C1QL1: variants seen among roughly 807,000 people sequenced by gnomAD.
The protein encoded by C1QL1 is complement C1q like 1.
A neutral mutation model predicts 14.2 loss-of-function variants in C1QL1; 15 were observed. The ratio of observed to expected loss-of-function variants is 1.06; its 90% CI spans 0.71 to 1.62. The LOEUF (loss-of-function observed/expected upper bound fraction) is 1.62, where lower values mean the gene tolerates loss of function less well. C1QL1 is among the 40% of genes most tolerant of loss of function. The pLI is 0.00. For synonymous variants in C1QL1, 172 were observed against 172.4 expected (o/e 1.00, Z 0.02); for missense variants, 346 against 380.3 (o/e 0.91, Z 0.75).
At position 44,967,905 on chromosome 17, in the gene C1QL1, G is replaced by A; in HGVS notation, c.144C>T (p.Gly48=). Reference sequence around the variant, plus strand: ...CGCTCTGCTCGCTCAGGGCGTCGCCGCCGTCGGTCCGCGCGCCGGCGCCGG... The same window carrying A: ...CGCTCTGCTCGCTCAGGGCGTCGCCACCGTCGGTCCGCGCGCCGGCGCCGG... The part of the protein sequence containing the change: ...RGPGAGARTD[G]GDALSEQSGA... The change falls in exon 1 of 2, where the codon GGC becomes GGT. Residue 48 remains glycine, a synonymous_variant. Coordinates refer to ENST00000253407, the MANE Select transcript of C1QL1 (RefSeq NM_006688.5). The surrounding 1 kb of genome is among the most constrained non-coding windows in gnomAD (Gnocchi z 7.0). 6 of 1,247,032 alleles carry A rather than the reference G, an allele frequency of 4.8e-6. No homozygotes were observed. Among genetic ancestry groups the A allele is most frequent in the Non-Finnish European group, 6.0e-6 (6 of 1,000,724 alleles). The allele number at this position is 1,247,032 out of a possible 1,614,324, so 77.2% of individuals were successfully genotyped here.
chr17:44,963,102 A>G (rs867811005), intron 1 of C1QL1, among the ~76,000 whole-genome samples: 14 of 152,116 alleles, frequency 9.2e-5, no homozygotes, highest in South Asian at 2.1e-4. Flanking sequence ...GGGCCTTGTT[A>G]TGAGGGAGCG....
intron 1 of C1QL1, among the ~76,000 whole-genome samples, chr17:44,961,217 G>A (rs1415750529): frequency 6.6e-6 from 1 of 152,194 alleles, no homozygotes; most frequent in Non-Finnish European, 1.5e-5. Context: ...GGAGGGACAG[G>A]CAGGATAATG....
chr17:44,963,063 G>A (rs1472510711), intron 1 of C1QL1, among the ~76,000 whole-genome samples: 2 of 152,180 alleles, frequency 1.3e-5, no homozygotes, highest in Admixed American at 6.5e-5. Context: ...GGGGAAATGA[G>A]GTTGCCAAGG....
rs2052617283 is a variant in C1QL1, at chr17:44,959,878, C to T, written c.*310G>A. 3 of 276,060 alleles carry T rather than the reference C, an allele frequency of 1.1e-5. No individual in the cohort carries two copies. The highest frequency in any genetic ancestry group is 2.0e-5 in the Non-Finnish European group (3 of 148,220). The allele number at this position is 276,060 out of a possible 1,614,324, so 17.1% of individuals were successfully genotyped here. On this transcript the variant is annotated 3_prime_UTR_variant, in exon 2 of 2. Coordinates refer to ENST00000253407, the MANE Select transcript of C1QL1 (RefSeq NM_006688.5). ...CAAACCCGCCGCCGCGACCTCTCCC[C>T]AGGCTGGGGTGGGCTGGCAGGCGGA...
Position 44,960,306 on chromosome 17 carries a change from A to G in C1QL1, c.659T>C (p.Val220Ala), listed in dbSNP as rs1044951497. ...GTCGCCGGCGTCCAGGTGCAGGATCACGCTGTTGCTGGCGTAGTCGTAGTT... is the reference window on the plus strand; with the variant it reads ...GTCGCCGGCGTCCAGGTGCAGGATCGCGCTGTTGCTGGCGTAGTCGTAGTT... The part of the protein sequence containing the change: ...DQNYDYASNS[V>A]ILHLDAGDEV... The change falls in exon 2 of 2, where the codon GTG becomes GCG. Residue 220 changes from valine (V) to alanine (A), a missense_variant. Coordinates refer to ENST00000253407, the MANE Select transcript of C1QL1 (RefSeq NM_006688.5). The G allele has an allele frequency of 1.2e-6, 2 of 1,614,170 alleles. No homozygotes were observed. Among genetic ancestry groups the G allele is most frequent in the East Asian group, 2.2e-5 (1 of 44,864 alleles).
Position 44,967,091 on chromosome 17 carries a change from C to T in C1QL1, c.597+361G>A, listed in dbSNP as rs1340452661. On this transcript the variant is annotated intron_variant, in intron 1 of 1. Coordinates refer to ENST00000253407, the MANE Select transcript of C1QL1 (RefSeq NM_006688.5). The surrounding 1 kb of genome is among the most constrained non-coding windows in gnomAD (Gnocchi z 7.0). ...TACGCCAGAGCCCATCCTTGCCCTC[C>T]CCTTATCGCCCACTGCTGTCGGCCC... Among the ~76,000 whole-genome samples, 1 of 152,250 alleles carries T rather than the reference C, an allele frequency of 6.6e-6. No homozygotes were observed. Among genetic ancestry groups the T allele is most frequent in the African/African-American group, 2.4e-5 (1 of 41,472 alleles).
At chr17:44,960,503 C>A in intron 1 of C1QL1, 136 bp from the exon 2 acceptor site, 1 of 637,028 alleles carries the variant, frequency 1.6e-6, no homozygotes, top group South Asian at 1.8e-5. Flanking sequence ...CTGCCACGCT[C>A]CCCCTCCCCC....
Position 44,967,793 on chromosome 17 carries a change from C to T in C1QL1, c.256G>A (p.Asp86Asn), listed in dbSNP as rs369822650. ...CCCACAGGGCCGGGAGGACCTGGGT[C>T]CCCGGGAGGCCCCGGAGGGCCGGGC... The part of the protein sequence containing the change: ...GKPGPPGPPG[D>N]PGPPGPVGPP... Residue 86 changes from aspartate to asparagine, a missense_variant, in exon 1 of 2, where the codon GAC becomes AAC. Transcript: ENST00000253407. This position sits in a 1 kb window ranked among gnomAD's most constrained non-coding sequence, Gnocchi z 7.0. 1 of 1,456,578 alleles carries T rather than the reference C, an allele frequency of 6.9e-7. No homozygotes were observed. Among genetic ancestry groups the T allele is most frequent in the Non-Finnish European group, 8.9e-7 (1 of 1,118,800 alleles). 90.2% of individuals were successfully genotyped at this position (1,456,578 alleles called of 1,614,324 possible).
chr17:44,962,756 T>A (rs2052635088), intron 1 of C1QL1, among the ~76,000 whole-genome samples: 1 of 152,228 alleles, frequency 6.6e-6, no homozygotes, highest in Non-Finnish European at 1.5e-5. Flanking sequence ...AATTTAGCCT[T>A]AACTCATTAA....
chr17:44,961,910 A>AAGAGAGAG (rs1279714342), intron 1 of C1QL1, among the ~76,000 whole-genome samples: 5,983 of 129,682 alleles, frequency 0.046, 198 homozygotes, highest in Non-Finnish European at 0.074. Flanking sequence ...AAAAAAAAAA[A>AAGAGAGAG]AGAGAGAGAG....
chr17:44,967,267 G>A lies in C1QL1; in HGVS notation c.597+185C>T, dbSNP rs2052661638. ...GTCTTGGAGCGGGAACCCAGGAACT[G>A]AGGATCGGCGATGTCCGCTGGCTCC... is the stretch of plus-strand genomic sequence containing the variant. On this transcript the variant is annotated intron_variant, in intron 1 of 1. Transcript: ENST00000253407. This position sits in a 1 kb window ranked among gnomAD's most constrained non-coding sequence, Gnocchi z 7.0. 6.6e-6 allele frequency among the ~76,000 whole-genome samples: 1 copy of A among 152,242 alleles called. No homozygotes were observed.
Position 44,960,286 on chromosome 17 carries a change from C to A in C1QL1, c.679G>T (p.Gly227Cys). The A allele has an allele frequency of 3.1e-6, 5 of 1,614,160 alleles. No homozygotes were observed. The highest frequency in any genetic ancestry group is 4.2e-6 in the Non-Finnish European group (5 of 1,180,012). The change falls in exon 2 of 2, where the codon GGC becomes TGC. Residue 227 changes from glycine (G) to cysteine (C), a missense_variant. Physicochemically the swap from Gly to Cys is radical, Grantham distance 159. Transcript: ENST00000253407. ...SNSVILHLDA[G>C]DEVFIKLDGG... ...TCCAGCTTGATGAAGACCTCGTCGC[C>A]GGCGTCCAGGTGCAGGATCACGCTG...
At chr17:44,966,307 C>A (rs1417196790) in intron 1 of C1QL1, among the ~76,000 whole-genome samples, 1 of 152,246 alleles carries the variant, frequency 6.6e-6, no homozygotes. Flanking sequence ...GACCCGCAGG[C>A]TGGCAGAGCC....
At chr17:44,963,306 C>T (rs566718489) in intron 1 of C1QL1, among the ~76,000 whole-genome samples, 21 of 150,984 alleles carry the variant, frequency 1.4e-4, no homozygotes, top group African/African-American at 4.5e-4. Context: ...TTCATACATA[C>T]ATTAACTGCA....
chr17:44,960,129 C>T lies in C1QL1; in HGVS notation c.*59G>A, dbSNP rs201410419. ...TGGGCGAGGGGCGAGTCATCGTCTGCCCCGCCCGGAGGGGACCCCGGCGGG... is the reference window on the plus strand; with the variant it reads ...TGGGCGAGGGGCGAGTCATCGTCTGTCCCGCCCGGAGGGGACCCCGGCGGG... On this transcript the variant is annotated 3_prime_UTR_variant, in exon 2 of 2. Transcript: ENST00000253407. 3 of 1,501,084 alleles carry T rather than the reference C, an allele frequency of 2.0e-6. No individual in the cohort carries two copies. The highest frequency in any genetic ancestry group is 2.8e-6 in the Non-Finnish European group (3 of 1,083,894). 93.0% of individuals were successfully genotyped at this position (1,501,084 alleles called of 1,614,324 possible).
intron 1 of C1QL1, among the ~76,000 whole-genome samples, chr17:44,964,398 C>G (rs2052645138): frequency 6.6e-6 from 1 of 152,220 alleles, no homozygotes; most frequent in Non-Finnish European, 1.5e-5. Context: ...CTTTCCCCTA[C>G]ACTTGACCTT....
In C1QL1 at chr17:44,960,077, G is replaced by T. The variant is rs35443739; in HGVS notation, c.*111C>A. The stretch of plus-strand genomic sequence containing the variant: ...TTGAGCACGGGCCGGGGGCGTCATA[G>T]CCGGGGAGGGCCGGGCAGCGAGCGG... On this transcript the variant is annotated 3_prime_UTR_variant, in exon 2 of 2. Coordinates refer to ENST00000253407, the MANE Select transcript of C1QL1 (RefSeq NM_006688.5). 1 of 976,208 alleles carries T rather than the reference G, an allele frequency of 1.0e-6. No individual in the cohort carries two copies. The highest frequency in any genetic ancestry group is 1.6e-6 in the Non-Finnish European group (1 of 621,530). The allele number at this position is 976,208 out of a possible 1,614,324, so 60.5% of individuals were successfully genotyped here. A position where few individuals can be genotyped will look rare whatever the true frequency, so the allele number is the denominator to read the frequency against.
At chr17:44,964,504 C>A (rs928202479) in intron 1 of C1QL1, among the ~76,000 whole-genome samples, 3 of 152,242 alleles carry the variant, frequency 2.0e-5, no homozygotes, top group Non-Finnish European at 2.9e-5. Context: ...GTAGGCCCTA[C>A]TGAAGCACTC....
chr17:44,964,451 G>T (rs917031908), intron 1 of C1QL1, among the ~76,000 whole-genome samples: 2 of 152,154 alleles, frequency 1.3e-5, no homozygotes, highest in African/African-American at 4.8e-5. Flanking sequence ...GCAGACCAAG[G>T]TTCACCATCT....
Sources: gnomAD v4.1 joint callset for allele counts (sites outside exome capture counted in the v4.1 genomes callset) on GRCh38, gnomAD v4.1.1 for gene constraint, Gnocchi (gnomAD v3.1) non-coding constraint, MANE v1.5 for transcripts, NCBI Gene and HGNC (gene_info 2026-07-23, HGNC 2026-07-21) for gene names.